Variants in PAM observed in about 807,000 individuals in gnomAD.
The protein encoded by PAM is peptidyl-glycine alpha-amidating monooxygenase.
Under a neutral mutation model 122.1 loss-of-function variants are expected in PAM, and 72 were observed. That is an observed-to-expected ratio of 0.59 (90% CI 0.49 to 0.72). PAM has a LOEUF of 0.72. PAM is among the 30% of genes least tolerant of loss of function. The pLI is 0.00. For missense variants in PAM, 1,106 were observed against 1,183.7 expected (o/e 0.93, Z 0.96); for synonymous variants, 389 against 404.4 (o/e 0.96, Z 0.46).
chr5:102,872,644 C>A (rs778502603), intron 3 of PAM, among the ~76,000 whole-genome samples: 49 of 152,156 alleles, frequency 3.2e-4, no homozygotes, highest in Non-Finnish European at 5.7e-4. Flanking sequence ...ATCATAACAT[C>A]ATTTATAAGT....
At chr5:102,790,903 CT>C (rs1447813565) in intron 1 of PAM, among the ~76,000 whole-genome samples, 1 of 152,036 alleles carries the variant, frequency 6.6e-6, no homozygotes, top group Non-Finnish European at 1.5e-5. Context: ...GAGATAAGCA[CT>C]GATATCATTT....
At chr5:102,809,467 CAA>C (rs1258344278) in intron 1 of PAM, among the ~76,000 whole-genome samples, 1 of 151,432 alleles carries the variant, frequency 6.6e-6, no homozygotes, top group African/African-American at 2.4e-5. Context: ...AGAAAAAGAA[CAA>C]GAGTAGAGTG....
In PAM at chr5:102,947,131, C is replaced by T. The variant is rs200889818; in HGVS notation, c.575+246C>T. ...GGCTGGGGCTTCAGTCAGCTTAAGGCTTGACTGGGGAGGAGCCACTTCCAA... is the reference window on the plus strand; with the variant it reads ...GGCTGGGGCTTCAGTCAGCTTAAGGTTTGACTGGGGAGGAGCCACTTCCAA... On this transcript the variant is annotated intron_variant, in intron 8 of 25. Transcript: ENST00000438793. Among the ~76,000 whole-genome samples the T allele has an allele frequency of 5.0e-4, 76 of 152,270 alleles. No homozygotes were observed. In the East Asian group the frequency reaches 9.9e-3, roughly 20 times the overall value.
chr5:102,825,533 T>C (rs1291091060), intron 1 of PAM, among the ~76,000 whole-genome samples: 1 of 152,152 alleles, frequency 6.6e-6, no homozygotes, highest in Non-Finnish European at 1.5e-5. Context: ...TATAGAGTCA[T>C]GAGAAACGGG....
chr5:102,785,357 T>C (rs911497032), intron 1 of PAM, among the ~76,000 whole-genome samples: 13 of 152,226 alleles, frequency 8.5e-5, no homozygotes, highest in Non-Finnish European at 2.9e-5. Context: ...TTATAAACAA[T>C]TGGAAACTTA....
At chr5:102,795,189 C>CAAAAAAAAAAAAAAAAAAAAAA (rs33988105) in intron 1 of PAM, among the ~76,000 whole-genome samples, 3 of 59,660 alleles carry the variant, frequency 5.0e-5, no homozygotes, top group African/African-American at 6.5e-5. Flanking sequence ...GACAATGTCT[C>CAAAAAAAAAAAAAAAAAAAAAA]AAAAAAAAAA....
chr5:102,984,080 G>A (rs2150644831), intron 15 of PAM, among the ~76,000 whole-genome samples: 1 of 152,186 alleles, frequency 6.6e-6, no homozygotes, highest in Admixed American at 6.5e-5. Context: ...ATAAAATTCA[G>A]TGGCAGAGCA....
intron 3 of PAM, among the ~76,000 whole-genome samples, chr5:102,895,040 AAAC>A (rs1194243395): frequency 2.0e-5 from 3 of 151,804 alleles, no homozygotes; most frequent in Admixed American, 2.0e-4. Flanking sequence ...ATGAAAAACA[AAAC>A]AACCAAAATT....
At chr5:102,965,182 C>CACACAT (rs1203339544) in intron 14 of PAM, among the ~76,000 whole-genome samples, 70 of 151,558 alleles carry the variant, frequency 4.6e-4, no homozygotes, top group African/African-American at 1.7e-3. Context: ...CACACACACA[C>CACACAT]ACACACACAC....
intron 2 of PAM, 71 bp downstream of exon 2, chr5:102,866,355 T>G: frequency 2.0e-6 from 2 of 993,396 alleles, no homozygotes; most frequent in Non-Finnish European, 3.2e-6. Context: ...TGAACCTGAG[T>G]GTTGGCAAAA....
chr5:102,904,570 A>G (rs1056750720), intron 4 of PAM, among the ~76,000 whole-genome samples: 2 of 151,622 alleles, frequency 1.3e-5, no homozygotes, highest in African/African-American at 4.8e-5. Flanking sequence ...GCATGAATTC[A>G]GCAAACTTAA....
At chr5:102,913,460 T>A (rs1193152515) in intron 4 of PAM, among the ~76,000 whole-genome samples, 3 of 152,028 alleles carry the variant, frequency 2.0e-5, no homozygotes, top group Non-Finnish European at 4.4e-5. Flanking sequence ...TCCCAGTGAC[T>A]ATCGTACTGT....
chr5:102,774,356 C>T (rs1413362040), intron 1 of PAM, among the ~76,000 whole-genome samples: 1 of 152,026 alleles, frequency 6.6e-6, no homozygotes, highest in Non-Finnish European at 1.5e-5. Context: ...AATGTTCCCT[C>T]ATTTTTATTT....
intron 15 of PAM, among the ~76,000 whole-genome samples, chr5:102,977,682 A>G (rs964633403): frequency 5.3e-5 from 8 of 151,672 alleles, no homozygotes; most frequent in Non-Finnish European, 1.5e-5. Context: ...ACACACACAC[A>G]CACACACACA....
intron 16 of PAM, among the ~76,000 whole-genome samples, chr5:102,998,056 T>C (rs1443845309): frequency 6.6e-6 from 1 of 152,182 alleles, no homozygotes; most frequent in Non-Finnish European, 1.5e-5. Flanking sequence ...CACTTTGAAA[T>C]ATTTGAGCAT....
chr5:102,983,732 T>A (rs1770748763), intron 15 of PAM, among the ~76,000 whole-genome samples: 1 of 152,114 alleles, frequency 6.6e-6, no homozygotes, highest in Non-Finnish European at 1.5e-5. Context: ...CCGAGACACA[T>A]TATAGTGGAA....
At chr5:102,788,444 G>C (rs1021297714) in intron 1 of PAM, among the ~76,000 whole-genome samples, 1 of 151,958 alleles carries the variant, frequency 6.6e-6, no homozygotes, top group Non-Finnish European at 1.5e-5. Flanking sequence ...ATTTATTTTT[G>C]ATAGAAACTA....
chr5:102,925,273 T>A lies in PAM; in HGVS notation c.442+231T>A, dbSNP rs186356279. On this transcript the variant is annotated intron_variant, in intron 6 of 25. Coordinates refer to ENST00000438793, the MANE Select transcript of PAM (RefSeq NM_001177306.2). ...GCCCACACAACAGTTTAGATAAAAT[T>A]AGAAAATAACCAAGGATACCTCAAG... is the stretch of plus-strand genomic sequence containing the variant. Among the ~76,000 whole-genome samples the A allele has an allele frequency of 3.9e-5, 6 of 152,318 alleles. No individual in the cohort carries two copies. The Middle Eastern group carries it at 0.01, about 259-fold the overall frequency.
At chr5:102,760,181 A>C (rs1751884780) in intron 1 of PAM, among the ~76,000 whole-genome samples, 1 of 152,304 alleles carries the variant, frequency 6.6e-6, no homozygotes, top group East Asian at 1.9e-4. Context: ...GGTAGGTTTT[A>C]CTGTCCAGTT....
Sources: allele counts gnomAD v4.1 joint callset (sites outside exome capture counted in the v4.1 genomes callset), GRCh38; gene constraint gnomAD v4.1.1; transcripts MANE v1.5; gene names NCBI Gene and HGNC (gene_info 2026-07-23, HGNC 2026-07-21).